The following STRN variants were observed in gnomAD, a reference collection of about 807,000 sequenced individuals.
STRN encodes protein phosphatase 2 regulatory subunit B'''alpha.
STRN carries 53 observed loss-of-function variants against 96.3 expected under a neutral mutation model. The ratio of observed to expected loss-of-function variants is 0.55; its 90% CI spans 0.44 to 0.69. STRN has a LOEUF of 0.69. STRN is among the 30% of genes least tolerant of loss of function. STRN has a pLI of 0.00. For missense variants in STRN, 987 were observed against 963.9 expected, an observed-to-expected ratio of 1.02 and a Z score of -0.32; for synonymous variants, 428 against 355.9, an observed-to-expected ratio of 1.20 and a Z score of -2.28.
rs1033685673 is a variant in STRN at position 36,839,861 on chromosome 2, C to T, written c.*9595G>A. On this transcript the variant is annotated 3_prime_UTR_variant, in exon 18 of 18. Coordinates refer to ENST00000263918, the MANE Select transcript of STRN (RefSeq NM_003162.4). ...AATATTAAATATAAATAGTTGGTCT[C>T]TAACTTGTTGACTGTTTTATTCCTA... The T allele has an allele frequency of 2.6e-5, 4 of 152,206 alleles. No homozygotes were observed. The highest frequency in any genetic ancestry group is 6.5e-5 in the Admixed American group (1 of 15,276). The allele number at this position is 152,206 out of a possible 1,614,324, so 9.4% of individuals were successfully genotyped here. A position where few individuals can be genotyped will look rare whatever the true frequency, so the allele number is the denominator to read the frequency against.
In STRN at chr2:36,902,681, C is replaced by A; in HGVS notation, c.562G>T (p.Gly188Cys). ...VKSKRVRALLGFSSDVTDRED... is the reference protein window; with the variant it reads ...VKSKRVRALLCFSSDVTDRED... Reference sequence around the variant, plus strand: ...CTGTCCGTGACATCACTTGAAAAGCCCAACAAAGCTCGCACTCGTTTAGAT... The same window carrying A: ...CTGTCCGTGACATCACTTGAAAAGCACAACAAAGCTCGCACTCGTTTAGAT... Residue 188 changes from glycine to cysteine, a missense_variant, in exon 5 of 18, where the codon GGC (glycine) becomes TGC (cysteine). Gly to Cys is a radical substitution (Grantham distance 159). Transcript: ENST00000263918. The A allele has an allele frequency of 6.2e-7, 1 of 1,612,020 alleles. No individual in the cohort carries two copies. Among genetic ancestry groups the A allele is most frequent in the Non-Finnish European group, 8.5e-7 (1 of 1,178,592 alleles).
intron 3 of STRN, among the ~76,000 whole-genome samples, chr2:36,913,978 T>C (rs1670028181): frequency 6.6e-6 from 1 of 152,232 alleles, no homozygotes; most frequent in East Asian, 1.9e-4. Context: ...TGTTTACTTA[T>C]AAACTTGATG....
chr2:36,868,878 T>C (rs1464686878), intron 11 of STRN, among the ~76,000 whole-genome samples: 1 of 151,896 alleles, frequency 6.6e-6, no homozygotes, highest in Non-Finnish European at 1.5e-5. Flanking sequence ...GGTTCTTTTT[T>C]TTTTTTTTTT....
intron 6 of STRN, 42 bp from the exon 7 acceptor site, chr2:36,894,075 C>G (rs747503817): frequency 6.3e-7 from 1 of 1,578,476 alleles, no homozygotes; most frequent in Non-Finnish European, 8.6e-7. Flanking sequence ...GAGATAGTTT[C>G]CCTTTACCAC....
intron 12 of STRN, among the ~76,000 whole-genome samples, chr2:36,866,312 C>T (rs552091982): frequency 5.7e-4 from 87 of 152,242 alleles, no homozygotes; most frequent in Admixed American, 1.5e-3. Context: ...GCAATCTGCC[C>T]GCCTCAGCTT....
chr2:36,924,343 G>A (rs1268479778), intron 2 of STRN, among the ~76,000 whole-genome samples: 1 of 130,566 alleles, frequency 7.7e-6, no homozygotes, highest in Non-Finnish European at 1.5e-5. Context: ...GCGACAGAGT[G>A]AGACTCCGTT....
At chr2:36,895,467 G>C (rs1669514267) in intron 6 of STRN, among the ~76,000 whole-genome samples, 1 of 152,074 alleles carries the variant, frequency 6.6e-6, no homozygotes, top group African/African-American at 2.4e-5. Context: ...CTACCATCTA[G>C]CAAATCTATT....
rs1159531782 is a variant in STRN at position 36,957,744 on chromosome 2, C to CTTTTTTTTTTTT, written c.234+8474_234+8485dup. 1.1e-3 allele frequency among the ~76,000 whole-genome samples: 99 copies of CTTTTTTTTTTTT among 89,206 alleles called. 19 individuals are homozygous for CTTTTTTTTTTTT. Among genetic ancestry groups the CTTTTTTTTTTTT allele is most frequent in the East Asian group, 6.7e-3 (12 of 1,798 alleles). 58.5% of individuals were successfully genotyped at this position (89,206 alleles called of 152,430 possible). A position where few individuals can be genotyped will look rare whatever the true frequency, so the allele number is the denominator to read the frequency against. ...TTAGTCTCATAGTTCTTCTTTTTGT[C>CTTTTTTTTTTTT]TTTTTTTTTTTTTTTTTTTTTTTTT... On this transcript the variant is annotated intron_variant, in intron 1 of 17. Transcript: ENST00000263918.
chr2:36,939,358 C>G (rs1670785752), intron 1 of STRN, among the ~76,000 whole-genome samples: 1 of 152,156 alleles, frequency 6.6e-6, no homozygotes, highest in Non-Finnish European at 1.5e-5. Flanking sequence ...CATACCTTAT[C>G]TCAGATACAT....
chr2:36,921,618 T>C (rs1670257466), intron 2 of STRN, among the ~76,000 whole-genome samples: 2 of 152,220 alleles, frequency 1.3e-5, no homozygotes, highest in South Asian at 4.1e-4. Context: ...CATTCTCAAA[T>C]TATCTTTCTC....
At chr2:36,882,717 T>A (rs1159299051) in intron 9 of STRN, among the ~76,000 whole-genome samples, 1 of 152,102 alleles carries the variant, frequency 6.6e-6, no homozygotes, top group Non-Finnish European at 1.5e-5. Flanking sequence ...TGTGGTGAGC[T>A]GTGATTGCGC....
At chr2:36,851,822 A>G (rs903145793) in intron 15 of STRN, among the ~76,000 whole-genome samples, 7 of 152,238 alleles carry the variant, frequency 4.6e-5, no homozygotes, top group African/African-American at 1.4e-4. Flanking sequence ...ATCTAAAGAT[A>G]TATATGACAA....
At position 36,853,835 on chromosome 2, in the gene STRN, T is replaced by C. The variant is rs547450629; in HGVS notation, c.1978+1377A>G. On this transcript the variant is annotated intron_variant, in intron 15 of 17. Transcript: ENST00000263918. ...AGTAAAACATAATAAGAGACTAATT[T>C]AAGTTTTCTTTATACAACTTTAAAA... Among the ~76,000 whole-genome samples, 145 of 152,312 alleles carry C rather than the reference T, an allele frequency of 9.5e-4. 2 individuals are homozygous for C. The highest frequency in any genetic ancestry group is 6.3e-4 in the Non-Finnish European group (43 of 68,012).
chr2:36,862,084 T>G (rs890713037), intron 12 of STRN, among the ~76,000 whole-genome samples: 2 of 152,218 alleles, frequency 1.3e-5, no homozygotes, highest in Non-Finnish European at 2.9e-5. Context: ...ATGATTTTCC[T>G]GCAAAGGACA....
At chr2:36,895,713 C>T (rs1487527034) in intron 6 of STRN, among the ~76,000 whole-genome samples, 2 of 150,148 alleles carry the variant, frequency 1.3e-5, no homozygotes, top group Non-Finnish European at 1.5e-5. Flanking sequence ...AGGTGGAGAC[C>T]CTCCTGCCTA....
intron 15 of STRN, among the ~76,000 whole-genome samples, chr2:36,854,912 C>A (rs1255467323): frequency 6.6e-6 from 1 of 151,972 alleles, no homozygotes; most frequent in Non-Finnish European, 1.5e-5. Flanking sequence ...AATAGAATTT[C>A]CTATTCAGAA....
chr2:36,955,459 A>G (rs1002867951), intron 1 of STRN, among the ~76,000 whole-genome samples: 5 of 152,258 alleles, frequency 3.3e-5, no homozygotes, highest in East Asian at 1.9e-4. Context: ...TTCTAGAATT[A>G]TAAGTGCCGA....
intron 1 of STRN, among the ~76,000 whole-genome samples, chr2:36,939,886 G>A (rs1191289048): frequency 6.6e-6 from 1 of 151,974 alleles, no homozygotes; most frequent in African/African-American, 2.4e-5. Flanking sequence ...CAGTATTTAG[G>A]ACAAAAAGGA....
rs1159531782 is a variant in STRN, at chr2:36,957,744, C to CT, written c.234+8485dup. Among the ~76,000 whole-genome samples, 233 of 89,182 alleles carry CT rather than the reference C, an allele frequency of 2.6e-3. 21 individuals are homozygous for CT. The highest frequency in any genetic ancestry group is 2.9e-3 in the Non-Finnish European group (137 of 48,038). 58.5% of individuals were successfully genotyped at this position (89,182 alleles called of 152,430 possible). A position where few individuals can be genotyped will look rare whatever the true frequency, so the allele number is the denominator to read the frequency against. ...TTAGTCTCATAGTTCTTCTTTTTGT[C>CT]TTTTTTTTTTTTTTTTTTTTTTTTT... On this transcript the variant is annotated intron_variant, in intron 1 of 17. Transcript: ENST00000263918.
Sources: gnomAD v4.1 joint callset for allele counts (sites outside exome capture counted in the v4.1 genomes callset) on GRCh38, gnomAD v4.1.1 for gene constraint, MANE v1.5 for transcripts, NCBI Gene and HGNC (gene_info 2026-07-23, HGNC 2026-07-21) for gene names.